HDAC6: variants seen among roughly 807,000 people sequenced by gnomAD.
HDAC6 encodes histone deacetylase 6, also known as protein deacetylase HDAC6.
In HDAC6, 5 loss-of-function variants were observed where a neutral mutation model predicts 88.9. That is an observed-to-expected ratio of 0.06 (90% CI 0.03 to 0.12). The LOEUF (loss-of-function observed/expected upper bound fraction) is 0.12, where lower values mean the gene tolerates loss of function less well. Among genes scored for constraint, HDAC6 ranks in the 10% least tolerant of loss-of-function variants. The pLI is 1.00. For missense variants in HDAC6, 706 were observed against 1,014.4 expected, an observed-to-expected ratio of 0.70 and a Z score of 4.13; for synonymous variants, 378 against 398.0, an observed-to-expected ratio of 0.95 and a Z score of 0.60.
chrX:48,801,822 GAGAGACGAGGCCCAAT>G, upstream of HDAC6: 1 of 967,197 alleles, frequency 1.0e-6, no homozygotes, highest in Non-Finnish European at 1.3e-6. Context: ...GCGGGCAGTC[GAGAGACGAGGCCCAAT>G]GGAAAAGAAA....
At chrX:48,803,900 G>A (rs1381672581) in intron 4 of HDAC6, among the ~76,000 whole-genome samples, 3 of 112,341 alleles carry the variant, frequency 2.7e-5, no homozygotes, top group Non-Finnish European at 3.8e-5. Flanking sequence ...GGTGGCTCAC[G>A]CCTATAATCC....
chrX:48,820,067 T>C, intron 22 of HDAC6, 39 bp from the exon 23 acceptor site: 1 of 1,199,538 alleles, frequency 8.3e-7, no homozygotes, highest in Non-Finnish European at 1.1e-6. Flanking sequence ...CAAAAGCCCC[T>C]ACCCTCATGC....
At chrX:48,801,708 TA>T (rs1206707537), upstream of HDAC6, 17 of 400,917 alleles carry the variant, frequency 4.2e-5, no homozygotes, top group Admixed American at 6.5e-4. Flanking sequence ...CCAGCTGGCG[TA>T]GCACGCCGAC....
At chrX:48,801,792 C>T, upstream of HDAC6, 1 of 925,881 alleles carries the variant, frequency 1.1e-6, no homozygotes, top group Non-Finnish European at 1.4e-6. Context: ...GGCACGGTCC[C>T]CTCTGGAGGC....
At chrX:48,821,128 G>A (rs1295563801) in intron 23 of HDAC6, among the ~76,000 whole-genome samples, 3 of 109,916 alleles carry the variant, frequency 2.7e-5, no homozygotes, top group East Asian at 2.9e-4. Flanking sequence ...ATGAGCCACC[G>A]CACCTGGCCC....
Position 48,814,576 on chromosome X carries a change from T to C in HDAC6, c.933+10T>C, listed in dbSNP as rs1557026769. ...TGTGCCTTGGAACCAGGTCAGCATC[T>C]ACCCACCTCTGCCCCCAAAGTGAGG... On this transcript the variant is annotated intron_variant, in intron 11 of 28. Transcript: ENST00000334136. 8.3e-7 allele frequency: 1 copy of C among 1,209,580 alleles called. No individual in the cohort carries two copies. Among genetic ancestry groups the C allele is most frequent in the East Asian group, 3.0e-5 (1 of 33,750 alleles).
intron 3 of HDAC6, 41 bp downstream of exon 3, chrX:48,803,040 CA>C: frequency 8.3e-7 from 1 of 1,204,859 alleles, no homozygotes; most frequent in East Asian, 3.0e-5. Context: ...GTATGACAAT[CA>C]AAACCCAAAG....
At chrX:48,812,018 A>G (rs2062910212) in intron 10 of HDAC6, among the ~76,000 whole-genome samples, 1 of 112,693 alleles carries the variant, frequency 8.9e-6, no homozygotes, top group African/African-American at 3.2e-5. Flanking sequence ...ACTTTTTTAG[A>G]AAAGCATTAC....
intron 15 of HDAC6, 21 bp downstream of exon 15, chrX:48,815,511 G>A (rs1557027273): frequency 3.3e-6 from 4 of 1,196,999 alleles, no homozygotes; most frequent in South Asian, 3.5e-5. Flanking sequence ...GTGGAGGAGG[G>A]GAAAGCGGGA....
intron 6 of HDAC6, 122 bp downstream of exon 6, chrX:48,805,793 C>A: frequency 3.6e-6 from 2 of 557,860 alleles, no homozygotes; most frequent in East Asian, 7.2e-5. Flanking sequence ...AGTCGCTGAG[C>A]CTTTCTGAAT....
rs1557030678 is a variant in HDAC6, at chrX:48,823,126, G to C, written c.2727G>C (p.Gln909His). ...ETAVVALTQD[Q>H]PSEAATGGAT... ...CTGTGGTGGCCCTCACTCAGGACCA[G>C]CCCTCAGAGGCAGCCACAGGGGGAG... The change falls in exon 25 of 29, where the codon CAG (glutamine) becomes CAC (histidine). Residue 909 changes from glutamine (Q) to histidine (H), a missense_variant. By Grantham distance (24) the Gln-to-His change is conservative (BLOSUM62 0). Transcript: ENST00000334136. 1 of 1,208,963 alleles carries C rather than the reference G, an allele frequency of 8.3e-7. No individual in the cohort carries two copies. The highest frequency in any genetic ancestry group is 2.2e-5 in the Admixed American group (1 of 45,774).
Position 48,822,665 on chromosome X carries a change from A to G in HDAC6, c.2383A>G (p.Thr795Ala). Residue 795 changes from threonine to alanine, a missense_variant, in exon 24 of 29, where the codon ACT becomes GCT. Physicochemically the swap from Thr to Ala is moderately conservative, Grantham distance 58. Coordinates refer to ENST00000334136, the MANE Select transcript of HDAC6 (RefSeq NM_006044.4). ...TSISESMAAC[T>A]RSLLGDPPPL... ...CATCTCAGAGTCCATGGCTGCCTGC[A>G]CTCGCTCCCTCCTTGGAGACCCACC... is the stretch of plus-strand genomic sequence containing the variant. 1 of 1,206,465 alleles carries G rather than the reference A, an allele frequency of 8.3e-7. No homozygotes were observed. Among genetic ancestry groups the G allele is most frequent in the Non-Finnish European group, 1.1e-6 (1 of 892,634 alleles).
intron 22 of HDAC6, 120 bp from the exon 23 acceptor site, chrX:48,819,986 C>T (rs1326619252): frequency 2.8e-6 from 2 of 701,798 alleles, no homozygotes; most frequent in African/African-American, 2.1e-5. Flanking sequence ...CTCCATCTCT[C>T]TGACTTGCAT....
chrX:48,811,655 G>C (rs971574044), intron 10 of HDAC6, among the ~76,000 whole-genome samples: 1 of 111,912 alleles, frequency 8.9e-6, no homozygotes. Context: ...TCTTCTTTGG[G>C]GTAACATCTC....
At chrX:48,815,318 CATT>C (rs1182121929) in intron 14 of HDAC6, 63 bp from the exon 15 acceptor site, 4 of 804,551 alleles carry the variant, frequency 5.0e-6, no homozygotes, top group Non-Finnish European at 7.4e-6. Context: ...TTATTATCAT[CATT>C]ATTATTATTC....
chrX:48,820,252 A>G lies in HDAC6; in HGVS notation c.2334A>G (p.Leu778=). The part of the protein sequence containing the change: ...GLASGRIILI[L]EGGYNLTSIS... ...CCAGTGGCCGCATTATCCTTATCCT[A>G]GAGGTAACTTTCTCTTGGTCCCTCT... The change falls in exon 23 of 29, where the codon CTA becomes CTG. Residue 778 remains leucine (L), a synonymous_variant. Transcript: ENST00000334136. The G allele has an allele frequency of 8.5e-7, 1 of 1,175,535 alleles. No individual in the cohort carries two copies. Among genetic ancestry groups the G allele is most frequent in the Non-Finnish European group, 1.1e-6 (1 of 876,966 alleles).
At chrX:48,820,312 AC>A in intron 23 of HDAC6, 57 bp downstream of exon 23, 1 of 1,027,692 alleles carries the variant, frequency 9.7e-7, no homozygotes, top group Non-Finnish European at 1.3e-6. Flanking sequence ...AAATGTTGGC[AC>A]CATCACTCAG....
In HDAC6 at chrX:48,806,859, C is replaced by A. The variant is rs1211692393; in HGVS notation, c.632+153C>A. 3.5e-5 allele frequency: 14 copies of A among 397,994 alleles called. No homozygotes were observed. In the African/African-American group the frequency reaches 3.5e-4, roughly 10 times the overall value. The allele number at this position is 397,994 out of a possible 1,213,427, so 32.8% of individuals were successfully genotyped here. ...AAAATCTGTCTCCCATCCTTGTCAC[C>A]CAGACACCTGCCTCCTCTCATGGGA... On this transcript the variant is annotated intron_variant, in intron 8 of 28. Transcript: ENST00000334136.
At chrX:48,818,843 CCTGTGTGGGACCTTCTGGATGTGGAAGG>C (rs1408591347) in intron 22 of HDAC6, among the ~76,000 whole-genome samples, 3 of 112,458 alleles carry the variant, frequency 2.7e-5, no homozygotes, top group Non-Finnish European at 5.6e-5. Flanking sequence ...TCTGTGACAG[CCTGTGTGGGACCTTCTGGATGTGGAAGG>C]CTGTGTGTGA....
Sources: allele counts gnomAD v4.1 joint callset (sites outside exome capture counted in the v4.1 genomes callset), GRCh38; gene constraint gnomAD v4.1.1; transcripts MANE v1.5; gene names NCBI Gene and HGNC (gene_info 2026-07-23, HGNC 2026-07-21).